Variants in RRN3 observed in about 807,000 individuals in gnomAD.
RRN3 encodes RNA polymerase I transcription factor RRN3.
Under a neutral mutation model 82.3 loss-of-function variants are expected in RRN3, and 38 were observed. That is an observed-to-expected ratio of 0.46 (90% CI 0.36 to 0.61). The LOEUF (loss-of-function observed/expected upper bound fraction) is 0.61, where lower values mean the gene tolerates loss of function less well. RRN3 is among the 20% of genes least tolerant of loss of function. RRN3 has a pLI of 0.00. For synonymous variants in RRN3, 284 were observed against 284.3 expected, an observed-to-expected ratio of 1.00 and a Z score of 0.01; for missense variants, 726 against 793.1, an observed-to-expected ratio of 0.92 and a Z score of 1.02.
At chr16:15,091,212 T>C (rs544713558) in intron 3 of RRN3, 103 bp downstream of exon 3, 5 of 1,429,328 alleles carry the variant, frequency 3.5e-6, no homozygotes, top group African/African-American at 2.8e-5. Context: ...GGGAGGACCA[T>C]GGAGAGAGCA....
rs118130971 is a variant in RRN3 at position 15,081,755 on chromosome 16, C to T, written c.667-1659G>A. Among the ~76,000 whole-genome samples the T allele has an allele frequency of 1.1e-3, 161 of 152,264 alleles. 1 individual carries two copies. The East Asian group carries it at 0.029, about 28-fold the overall frequency. On this transcript the variant is annotated intron_variant, in intron 8 of 17. Coordinates refer to ENST00000198767, the MANE Select transcript of RRN3 (RefSeq NM_018427.5). ...ATCTGGAAATTACTGCCTAAACCAACATCATGAAAATGTACTCGTTTTCTT... is the reference window on the plus strand; with the variant it reads ...ATCTGGAAATTACTGCCTAAACCAATATCATGAAAATGTACTCGTTTTCTT...
chr16:15,087,504 C>T (rs2045955366), intron 3 of RRN3, among the ~76,000 whole-genome samples: 1 of 152,206 alleles, frequency 6.6e-6, no homozygotes, highest in African/African-American at 2.4e-5. Flanking sequence ...AAGCTGTCCC[C>T]TTTTCCCCAC....
chr16:15,063,926 T>C (rs1324044330), intron 16 of RRN3, among the ~76,000 whole-genome samples: 2 of 152,102 alleles, frequency 1.3e-5, no homozygotes, highest in Non-Finnish European at 2.9e-5. Flanking sequence ...AATGAAACCG[T>C]AATATTCTGG....
Position 15,076,423 on chromosome 16 carries a change from T to C in RRN3, c.858+135A>G, listed in dbSNP as rs372773659. ...AAATGACATGGCAGCAAATTACTCA[T>C]ATAAGGAATCGTTTTCAAGTTTGCT... On this transcript the variant is annotated intron_variant, in intron 10 of 17. Transcript: ENST00000198767. The C allele has an allele frequency of 3.4e-5, 24 of 705,204 alleles. 1 individual carries two copies. Among genetic ancestry groups the C allele is most frequent in the Admixed American group, 2.3e-4 (11 of 47,286 alleles). The allele number at this position is 705,204 out of a possible 1,614,324, so 43.7% of individuals were successfully genotyped here. A position where few individuals can be genotyped will look rare whatever the true frequency, so the allele number is the denominator to read the frequency against.
upstream of RRN3, chr16:15,094,314 G>C (rs1255953139): frequency 4.7e-6 from 6 of 1,269,264 alleles, no homozygotes; most frequent in African/African-American, 6.0e-5. Context: ...CGGAAGTTGC[G>C]CGTGCCAGCG....
chr16:15,064,831 C>G (rs767922728), intron 16 of RRN3, among the ~76,000 whole-genome samples: 4 of 152,188 alleles, frequency 2.6e-5, no homozygotes, highest in Non-Finnish European at 5.9e-5. Context: ...GTGAAGAGCC[C>G]TAAATCCCAA....
At position 15,061,443 on chromosome 16, in the gene RRN3, C is replaced by A. The variant is rs2044706750; in HGVS notation, c.*301G>T. On this transcript the variant is annotated 3_prime_UTR_variant, in exon 18 of 18. Transcript: ENST00000198767. Reference sequence around the variant, plus strand: ...ATTAGAAATTACCCAGTAATTGTGTCAAAAAGCTGTTAACACAAAAAATGT... The same window carrying A: ...ATTAGAAATTACCCAGTAATTGTGTAAAAAAGCTGTTAACACAAAAAATGT... 2 of 337,282 alleles carry A rather than the reference C, an allele frequency of 5.9e-6. No homozygotes were observed. Among genetic ancestry groups the A allele is most frequent in the Non-Finnish European group, 1.1e-5 (2 of 186,894 alleles). The allele number at this position is 337,282 out of a possible 1,614,324, so 20.9% of individuals were successfully genotyped here. A position where few individuals can be genotyped will look rare whatever the true frequency, so the allele number is the denominator to read the frequency against.
At chr16:15,086,568 A>C in intron 3 of RRN3, 114 bp from the exon 4 acceptor site, 2 of 1,479,382 alleles carry the variant, frequency 1.4e-6, no homozygotes, top group Non-Finnish European at 9.1e-7. Flanking sequence ...AAAGGTCACA[A>C]ACTTGGAAGG....
upstream of RRN3, chr16:15,094,297 T>C: frequency 1.4e-6 from 2 of 1,382,096 alleles, no homozygotes; most frequent in Non-Finnish European, 2.0e-6. Flanking sequence ...AGCCACAGCC[T>C]CTGTCCCGGA....
chr16:15,067,499 G>A (rs1201073347), intron 15 of RRN3, among the ~76,000 whole-genome samples: 2 of 129,308 alleles, frequency 1.5e-5, no homozygotes, highest in African/African-American at 5.3e-5. Context: ...CTATGGATTA[G>A]CCATAGCTAC....
At chr16:15,072,774 G>C (rs993765927) in intron 12 of RRN3, among the ~76,000 whole-genome samples, 176 bp downstream of exon 12, 4 of 152,032 alleles carry the variant, frequency 2.6e-5, no homozygotes, top group African/African-American at 9.7e-5. Context: ...TCTCAAAAAA[G>C]AAAGGAAAAG....
Position 15,080,096 on chromosome 16 carries a change from C to T in RRN3, c.667G>A (p.Glu223Lys). ...CTTAGTAAGTTATGAACGTAACATT[C>T]CTAAAGGAGAAAATGTAAGATAAAA... ...PFVRKSERTL[E>K]CYVHNLLRIS... The change falls in exon 9 of 18, where the codon GAA becomes AAA. Residue 223 changes from glutamate (E) to lysine (K), a missense_variant and splice_region_variant. Physicochemically the swap from Glu to Lys is moderately conservative, Grantham distance 56. Transcript: ENST00000198767. 1 of 1,592,282 alleles carries T rather than the reference C, an allele frequency of 6.3e-7. No homozygotes were observed. Among genetic ancestry groups the T allele is most frequent in the Non-Finnish European group, 8.5e-7 (1 of 1,170,668 alleles).
rs556390167 is a variant in RRN3, at chr16:15,073,362, C to T, written c.998-282G>A. ...ATCCCAGCTACATGGGAGGCTGAGG[C>T]GGATGAACCGCTTGAGCCCAGGAGG... is the stretch of plus-strand genomic sequence containing the variant. On this transcript the variant is annotated intron_variant, in intron 11 of 17. Transcript: ENST00000198767. 6.6e-5 allele frequency among the ~76,000 whole-genome samples: 10 copies of T among 152,196 alleles called. No homozygotes were observed. In the East Asian group the frequency reaches 1.7e-3, roughly 26 times the overall value.
intron 3 of RRN3, 147 bp downstream of exon 3, chr16:15,091,168 C>G: frequency 1.4e-6 from 1 of 731,522 alleles, no homozygotes; most frequent in Non-Finnish European, 2.2e-6. Context: ...GGGGGTAAAA[C>G]TGTCCCTGGT....
At chr16:15,076,414 A>C (rs2045456061) in intron 10 of RRN3, 144 bp downstream of exon 10, 1 of 680,482 alleles carries the variant, frequency 1.5e-6, no homozygotes, top group African/African-American at 1.8e-5. Flanking sequence ...CATGGCAGCA[A>C]ATTACTCATA....
At position 15,086,370 on chromosome 16, in the gene RRN3, T is replaced by C. The variant is rs567466622; in HGVS notation, c.337A>G (p.Ile113Val). The change falls in exon 4 of 18, where the codon ATA (isoleucine) becomes GTA (valine). Residue 113 changes from isoleucine to valine, a missense_variant. Physicochemically the swap from Ile to Val is conservative, Grantham distance 29. Coordinates refer to ENST00000198767, the MANE Select transcript of RRN3 (RefSeq NM_018427.5). The stretch of plus-strand genomic sequence containing the variant: ...AAAATAAATGGTGAACTTACTAATA[T>C]AATACTGATAAGTTGCTCAAAGTCT... ...TKDFEQLISI[I>V]LRLPWLNRSQ... The C allele has an allele frequency of 8.1e-6, 13 of 1,613,750 alleles. No individual in the cohort carries two copies. Among genetic ancestry groups the C allele is most frequent in the Non-Finnish European group, 1.1e-5 (13 of 1,179,754 alleles).
At chr16:15,064,652 C>G (rs1567185712) in intron 16 of RRN3, among the ~76,000 whole-genome samples, 1 of 152,162 alleles carries the variant, frequency 6.6e-6, no homozygotes, top group Non-Finnish European at 1.5e-5. Context: ...AAACAAAAAA[C>G]AAAAAACCCT....
At position 15,060,729 on chromosome 16, in the gene RRN3, T is replaced by C. The variant is rs759846377; in HGVS notation, c.*1015A>G. 6.6e-6 allele frequency: 1 copy of C among 152,512 alleles called. No individual in the cohort carries two copies. Among genetic ancestry groups the C allele is most frequent in the African/African-American group, 2.4e-5 (1 of 41,604 alleles). 9.4% of individuals were successfully genotyped at this position (152,512 alleles called of 1,614,324 possible). On this transcript the variant is annotated 3_prime_UTR_variant, in exon 18 of 18. Coordinates refer to ENST00000198767, the MANE Select transcript of RRN3 (RefSeq NM_018427.5). Reference sequence around the variant, plus strand: ...TAGAGAAGGATTTCACCAAGCCGAATGTGCGATGCACACAGCCATCAGACC... The same window carrying C: ...TAGAGAAGGATTTCACCAAGCCGAACGTGCGATGCACACAGCCATCAGACC...
chr16:15,080,107 A>C lies in RRN3; in HGVS notation c.667-11T>G. The C allele has an allele frequency of 6.3e-7, 1 of 1,591,828 alleles. No individual in the cohort carries two copies. Among genetic ancestry groups the C allele is most frequent in the Non-Finnish European group, 8.5e-7 (1 of 1,170,110 alleles). On this transcript the variant is annotated splice_polypyrimidine_tract_variant and intron_variant, in intron 8 of 17. Coordinates refer to ENST00000198767, the MANE Select transcript of RRN3 (RefSeq NM_018427.5). ...ATGAACGTAACATTCCTAAAGGAGAAAATGTAAGATAAAACATTTCAACAG... is the reference window on the plus strand; with the variant it reads ...ATGAACGTAACATTCCTAAAGGAGACAATGTAAGATAAAACATTTCAACAG...
Sources: allele counts gnomAD v4.1 joint callset (sites outside exome capture counted in the v4.1 genomes callset), GRCh38; gene constraint gnomAD v4.1.1; transcripts MANE v1.5; gene names NCBI Gene and HGNC (gene_info 2026-07-23, HGNC 2026-07-21).